The following ATAD3B variants were observed in gnomAD, a reference collection of about 807,000 sequenced individuals.
ATAD3B encodes the protein ATPase family AAA domain containing 3B, also known as ATPase family AAA domain-containing protein 3B.
Under a neutral mutation model 70.2 loss-of-function variants are expected in ATAD3B, and 59 were observed. That is an observed-to-expected ratio of 0.84 (90% CI 0.68 to 1.04). The LOEUF is 1.04. ATAD3B is among the 50% of genes least tolerant of loss of function. ATAD3B has a pLI of 0.00. For synonymous variants in ATAD3B, 423 were observed against 388.6 expected, an observed-to-expected ratio of 1.09 and a Z score of -1.04; for missense variants, 961 against 913.4, an observed-to-expected ratio of 1.05 and a Z score of -0.67.
intron 12 of ATAD3B, among the ~76,000 whole-genome samples, chr1:1,488,848 G>T (rs548926274): frequency 1.3e-5 from 2 of 151,454 alleles, no homozygotes; most frequent in East Asian, 3.9e-4. Flanking sequence ...TTTTTTAAAT[G>T]TATTTTTTAT....
chr1:1,508,637 G>C, the ATAD3B span, among the ~76,000 whole-genome samples: 1,302 of 151,546 alleles, frequency 8.6e-3, 88 homozygotes, highest in African/African-American at 0.03. Context: ...AGAAAGGCTG[G>C]ACCTGAGGCT....
chr1:1,478,390 G>C (rs1339642603), intron 2 of ATAD3B: 9 of 1,476,182 alleles, frequency 6.1e-6, no homozygotes, highest in Non-Finnish European at 8.1e-6. Flanking sequence ...ACAGCCTTGT[G>C]GGGTGGGGTT....
intron 1 of ATAD3B, among the ~76,000 whole-genome samples, chr1:1,476,801 C>T (rs953687967): frequency 1.3e-5 from 2 of 151,402 alleles, no homozygotes; most frequent in African/African-American, 4.9e-5. Flanking sequence ...AGCCACCACG[C>T]CCTGCTAGAA....
chr1:1,488,873 C>T (rs911331403), intron 12 of ATAD3B, among the ~76,000 whole-genome samples: 11 of 151,826 alleles, frequency 7.2e-5, no homozygotes, highest in African/African-American at 2.7e-4. Context: ...TAGCAATTCT[C>T]ATGCCTCAGC....
intron 4 of ATAD3B, among the ~76,000 whole-genome samples, chr1:1,479,345 C>T (rs1157441965): frequency 6.8e-6 from 1 of 147,502 alleles, no homozygotes; most frequent in Non-Finnish European, 1.5e-5. Context: ...GACACACACT[C>T]CTCGCACACA....
rs750541572 is a variant in ATAD3B, at chr1:1,489,269, C to T, written c.1332C>T (p.Ser444=). 20 of 1,613,458 alleles carry T rather than the reference C, an allele frequency of 1.2e-5. No homozygotes were observed. Among genetic ancestry groups the T allele is most frequent in the Non-Finnish European group, 1.7e-5 (20 of 1,179,650 alleles). The change falls in exon 13 of 16, where the codon AGC becomes AGT. Residue 444 remains serine, a synonymous_variant. Coordinates refer to ENST00000673477, the MANE Select transcript of ATAD3B (RefSeq NM_031921.6). ...NAFLYHMGQH[S]NKFMLVLASN... is the part of the protein sequence containing the mutation. Reference sequence around the variant, plus strand: ...TCCTGTACCACATGGGCCAACACAGCAACAAGTGAGGGAGCCCCTCGGGTC... The same window carrying T: ...TCCTGTACCACATGGGCCAACACAGTAACAAGTGAGGGAGCCCCTCGGGTC...
chr1:1,485,972 C>T, intron 9 of ATAD3B, 134 bp downstream of exon 9: 2 of 1,588,862 alleles, frequency 1.3e-6, no homozygotes, highest in Non-Finnish European at 8.6e-7. Context: ...TTGGACTGTG[C>T]CGGGGATAGA....
chr1:1,490,199 C>G, intron 13 of ATAD3B, 58 bp from the exon 14 acceptor site: 1 of 1,586,176 alleles, frequency 6.3e-7, no homozygotes, highest in Non-Finnish European at 8.6e-7. Flanking sequence ...GCCCCCGTTG[C>G]CCTCGGGGCA....
chr1:1,493,992 C>T (rs149098724), intron 15 of ATAD3B, among the ~76,000 whole-genome samples: 24 of 151,904 alleles, frequency 1.6e-4, no homozygotes, highest in African/African-American at 5.3e-4. Flanking sequence ...GGTACTGATT[C>T]TTCTTAATGT....
chr1:1,480,409 G>A (rs1245627951), intron 4 of ATAD3B, among the ~76,000 whole-genome samples: 1 of 146,508 alleles, frequency 6.8e-6, no homozygotes, highest in South Asian at 2.2e-4. Context: ...GGCGGCGGGC[G>A]GGTCTCTGGG....
At position 1,482,221 on chromosome 1, in the gene ATAD3B, G is replaced by A. The variant is rs143314466; in HGVS notation, c.598G>A (p.Glu200Lys). 3.7e-4 allele frequency: 590 copies of A among 1,611,330 alleles called. 7 individuals carry two copies. The African/African-American group carries it at 3.7e-3, about 10-fold the overall frequency. Reference sequence around the variant, plus strand: ...CGAGGCCCGGGCGCGCGCCAAGGCCGAGCGGGAGAATGCAGACATCATCCG... The same window carrying A: ...CGAGGCCCGGGCGCGCGCCAAGGCCAAGCGGGAGAATGCAGACATCATCCG... ...ETEARARAKA[E>K]RENADIIREQ... The change falls in exon 6 of 16, where the codon GAG (glutamate) becomes AAG (lysine). Residue 200 changes from glutamate to lysine, a missense_variant. This residue lies in a region of ATAD3B where 349 missense variants were observed against 307.5 expected (regional missense o/e 1.14). Transcript: ENST00000673477.
the ATAD3B span, among the ~76,000 whole-genome samples, chr1:1,505,207 T>C: frequency 6.6e-6 from 1 of 152,074 alleles, no homozygotes; most frequent in Admixed American, 6.5e-5. Context: ...GTCACGTGGG[T>C]CACGTGTCCA....
chr1:1,474,122 C>A (rs746148140), intron 1 of ATAD3B, among the ~76,000 whole-genome samples: 1 of 152,040 alleles, frequency 6.6e-6, no homozygotes, highest in East Asian at 1.9e-4. Context: ...TGGGTAAAAG[C>A]CGTCCAACCG....
intron 5 of ATAD3B, among the ~76,000 whole-genome samples, chr1:1,481,698 A>G (rs1458674703): frequency 2.1e-5 from 3 of 144,712 alleles, no homozygotes; most frequent in Non-Finnish European, 4.5e-5. Context: ...GGCTTCCTTC[A>G]GAACTCCGCG....
the ATAD3B span, among the ~76,000 whole-genome samples, chr1:1,507,567 T>G: frequency 6.6e-6 from 1 of 152,320 alleles, no homozygotes; most frequent in East Asian, 1.9e-4. Flanking sequence ...GTATAATTTT[T>G]TTATTATACT....
At chr1:1,499,586 CTTTTTTTTTTTT>C (rs71578322), downstream of ATAD3B, among the ~76,000 whole-genome samples, 4 of 65,760 alleles carry the variant, frequency 6.1e-5, no homozygotes, top group East Asian at 1.1e-3. Flanking sequence ...CCAAACAGCT[CTTTTTTTTTTTT>C]TTTTTTTTTT....
chr1:1,477,161 A>C, intron 1 of ATAD3B, 113 bp from the exon 2 acceptor site: 1 of 1,398,402 alleles, frequency 7.2e-7, no homozygotes, highest in Non-Finnish European at 9.9e-7. Context: ...GGCGTGAACC[A>C]CCGCTTCCCA....
intron 11 of ATAD3B, among the ~76,000 whole-genome samples, chr1:1,487,487 CAAA>C (rs1361376015): frequency 2.0e-5 from 2 of 100,898 alleles, no homozygotes; most frequent in Admixed American, 1.0e-4. Flanking sequence ...GACTCTGTCT[CAAA>C]AAAAAAAAAA....
intron 11 of ATAD3B, among the ~76,000 whole-genome samples, chr1:1,487,332 CA>C (rs1640274149): frequency 6.6e-6 from 1 of 151,656 alleles, no homozygotes; most frequent in Non-Finnish European, 1.5e-5. Context: ...ACTAAAAATA[CA>C]AAAAATTAGC....
Sources: allele counts gnomAD v4.1 joint callset (sites outside exome capture counted in the v4.1 genomes callset), GRCh38; gene constraint gnomAD v4.1.1; regional missense constraint gnomAD v4.1.1; transcripts MANE v1.5; gene names NCBI Gene and HGNC (gene_info 2026-07-23, HGNC 2026-07-21).